Variants in DIP2C observed in about 807,000 individuals in gnomAD.
DIP2C encodes the protein DIP2 acetate--CoA ligase C (putative).
A neutral mutation model predicts 192.4 loss-of-function variants in DIP2C; 33 were observed. That is an observed-to-expected ratio of 0.17 (90% CI 0.13 to 0.23). DIP2C has a LOEUF of 0.23. DIP2C is among the 10% of genes least tolerant of loss of function. The probability of loss-of-function intolerance (pLI) is 1.00; values close to 1 mark genes in which losing one functional copy is unlikely to be tolerated. For synonymous variants in DIP2C, 979 were observed against 864.1 expected (o/e 1.13, Z -2.33); for missense variants, 1,537 against 2,110.1 (o/e 0.73, Z 5.32).
Position 443,257 on chromosome 10 carries a change from TC to T in DIP2C, c.269-2262del, listed in dbSNP as rs551405711. Among the ~76,000 whole-genome samples, 34 of 152,342 alleles carry T rather than the reference TC, an allele frequency of 2.2e-4. No individual in the cohort carries two copies. In the South Asian group the frequency reaches 6.6e-3, roughly 30 times the overall value. ...CCACTGATGATTTCCTGCCATTCCT[TC>T]TAAATCATTAGATCTTCTACATTCA... On this transcript the variant is annotated intron_variant, in intron 3 of 36. Coordinates refer to ENST00000280886, the MANE Select transcript of DIP2C (RefSeq NM_014974.3).
At chr10:565,068 G>A (rs954959986) in intron 1 of DIP2C, among the ~76,000 whole-genome samples, 35 of 152,090 alleles carry the variant, frequency 2.3e-4, no homozygotes, top group African/African-American at 7.0e-4. Context: ...GGCAAACCAG[G>A]TGCTGTAGGA....
chr10:442,957 G>A (rs1967867306), intron 3 of DIP2C, among the ~76,000 whole-genome samples: 1 of 152,116 alleles, frequency 6.6e-6, no homozygotes, highest in Non-Finnish European at 1.5e-5. Flanking sequence ...TCTTGAAATT[G>A]GAAATTTTCA....
At chr10:470,347 C>T (rs1011023681) in intron 3 of DIP2C, among the ~76,000 whole-genome samples, 1 of 152,182 alleles carries the variant, frequency 6.6e-6, no homozygotes, top group Non-Finnish European at 1.5e-5. Context: ...GCTTCCCCTC[C>T]AGAGCAGAGC....
chr10:331,726 G>A (rs756622764), intron 29 of DIP2C, among the ~76,000 whole-genome samples: 6 of 152,114 alleles, frequency 3.9e-5, no homozygotes, highest in South Asian at 2.1e-4. Flanking sequence ...TATCTCCTCC[G>A]TGGACACCGA....
At chr10:401,185 A>G (rs529562219) in intron 9 of DIP2C, among the ~76,000 whole-genome samples, 7 of 151,450 alleles carry the variant, frequency 4.6e-5, no homozygotes, top group African/African-American at 1.2e-4. Context: ...GTGATTTTAC[A>G]TGTGTGGTAG....
chr10:315,693 G>A (rs1219540130), intron 31 of DIP2C, among the ~76,000 whole-genome samples: 1 of 152,196 alleles, frequency 6.6e-6, no homozygotes, highest in Non-Finnish European at 1.5e-5. Context: ...GGAGTTGACT[G>A]AGCTTCTTGA....
At chr10:671,890 C>T in intron 1 of DIP2C, among the ~76,000 whole-genome samples, 1 of 143,774 alleles carries the variant, frequency 7.0e-6, no homozygotes, top group East Asian at 2.1e-4. Context: ...AGGCCATAGA[C>T]ACACGGACGG....
chr10:534,878 T>G (rs979751543), intron 1 of DIP2C, among the ~76,000 whole-genome samples: 1 of 151,414 alleles, frequency 6.6e-6, no homozygotes, highest in Non-Finnish European at 1.5e-5. Flanking sequence ...GGGTTTCACC[T>G]TGTTAGCCAG....
chr10:414,757 A>ATATATATATATATATATATAT (rs60489200), intron 7 of DIP2C, among the ~76,000 whole-genome samples: 1 of 69,576 alleles, frequency 1.4e-5, no homozygotes, highest in Non-Finnish European at 2.9e-5. Context: ...ATATATATAT[A>ATATATATATATATATATATAT]ATGTGTATAT....
intron 1 of DIP2C, among the ~76,000 whole-genome samples, chr10:613,458 G>A (rs72774582): frequency 0.029 from 4,486 of 152,310 alleles, 86 homozygotes; most frequent in Non-Finnish European, 0.049. Flanking sequence ...TAAGGAATCC[G>A]ATTTGGAGGG....
At chr10:599,322 A>G (rs531176691) in intron 1 of DIP2C, among the ~76,000 whole-genome samples, 1 of 152,348 alleles carries the variant, frequency 6.6e-6, no homozygotes, top group East Asian at 1.9e-4. Context: ...AGGAACACAC[A>G]GGTAAGTGAG....
At chr10:685,163 TATATATATATATATATATATATACATATA>T (rs1831281932) in intron 1 of DIP2C, among the ~76,000 whole-genome samples, 1 of 19,304 alleles carries the variant, frequency 5.2e-5, no homozygotes, top group South Asian at 3.6e-3. Flanking sequence ...AAAAAAAAAA[TATATATATATATATATATATATACATATA>T]TATATATATA....
intron 10 of DIP2C, among the ~76,000 whole-genome samples, chr10:396,826 TGG>T (rs57932225): frequency 0.013 from 552 of 41,240 alleles, 2 homozygotes; most frequent in Middle Eastern, 0.071. Flanking sequence ...GCAAATCCGG[TGG>T]GGGGGGGGGA....
chr10:414,209 GC>G (rs1415589480), intron 7 of DIP2C, 99 bp from the exon 8 acceptor site: 33 of 1,351,002 alleles, frequency 2.4e-5, no homozygotes, highest in Non-Finnish European at 3.2e-5. Context: ...TTATACTTAA[GC>G]TGTACATTTA....
At chr10:576,666 T>C (rs1221581306) in intron 1 of DIP2C, among the ~76,000 whole-genome samples, 1 of 152,152 alleles carries the variant, frequency 6.6e-6, no homozygotes, top group Admixed American at 6.5e-5. Context: ...CCCAGCACTT[T>C]AGGAAGGTGA....
chr10:585,530 C>T (rs1850965041), intron 1 of DIP2C, among the ~76,000 whole-genome samples: 2 of 152,192 alleles, frequency 1.3e-5, no homozygotes, highest in African/African-American at 4.8e-5. Context: ...TGTGGGCACA[C>T]ACATCCTGAA....
Position 612,499 on chromosome 10 carries a change from A to C in DIP2C, c.85+76995T>G, listed in dbSNP as rs77250077. On this transcript the variant is annotated intron_variant, in intron 1 of 36. Coordinates refer to ENST00000280886, the MANE Select transcript of DIP2C (RefSeq NM_014974.3). Reference sequence around the variant, plus strand: ...GAAATTTTAAAACCTCAGGAGAAAAACAAGTGTGGGGTAAGACCTCAAGGC... The same window carrying C: ...GAAATTTTAAAACCTCAGGAGAAAACCAAGTGTGGGGTAAGACCTCAAGGC... Among the ~76,000 whole-genome samples the C allele has an allele frequency of 1.8e-3, 271 of 152,322 alleles. 3 individuals are homozygous for C. The highest frequency in any genetic ancestry group is 5.7e-3 in the African/African-American group (239 of 41,576).
At chr10:673,453 G>C (rs527900787) in intron 1 of DIP2C, among the ~76,000 whole-genome samples, 1 of 152,264 alleles carries the variant, frequency 6.6e-6, no homozygotes, top group East Asian at 1.9e-4. Flanking sequence ...TTGTTTCAAG[G>C]AATGTCAGCA....
intron 1 of DIP2C, among the ~76,000 whole-genome samples, chr10:642,675 G>A (rs1021847518): frequency 3.3e-5 from 5 of 152,244 alleles, no homozygotes; most frequent in African/African-American, 1.2e-4. Context: ...CCCCGTCCCA[G>A]GCCATCGCAC....
Sources: gnomAD v4.1 joint callset for allele counts (sites outside exome capture counted in the v4.1 genomes callset) on GRCh38, gnomAD v4.1.1 for gene constraint, MANE v1.5 for transcripts, NCBI Gene and HGNC (gene_info 2026-07-23, HGNC 2026-07-21) for gene names.